ADAM23: variants seen among roughly 807,000 people sequenced by gnomAD.
ADAM23 encodes disintegrin and metalloproteinase domain-containing protein 23.
A neutral mutation model predicts 120.1 loss-of-function variants in ADAM23; 33 were observed. The observed-to-expected ratio is 0.27, with a 90% confidence interval of 0.21 to 0.37. The LOEUF is 0.37. Among genes scored for constraint, ADAM23 ranks in the 10% least tolerant of loss-of-function variants. The probability of loss-of-function intolerance (pLI) is 1.00; values close to 1 mark genes in which losing one functional copy is unlikely to be tolerated. For missense variants in ADAM23, 862 were observed against 1,058.2 expected (o/e 0.81, Z 2.57); for synonymous variants, 367 against 375.2 (o/e 0.98, Z 0.25).
intron 2 of ADAM23, among the ~76,000 whole-genome samples, chr2:206,455,601 C>G (rs1695281859): frequency 6.6e-6 from 1 of 152,194 alleles, no homozygotes. Flanking sequence ...AATATAAGTT[C>G]CAGTTTCAGC....
intron 24 of ADAM23, among the ~76,000 whole-genome samples, chr2:206,605,398 T>G (rs547317021): frequency 8.5e-5 from 13 of 152,370 alleles, no homozygotes; most frequent in African/African-American, 3.1e-4. Context: ...TTCTTAGGCA[T>G]ATTTTACAGT....
intron 3 of ADAM23, among the ~76,000 whole-genome samples, chr2:206,526,854 G>A (rs1360077275): frequency 6.6e-6 from 1 of 152,116 alleles, no homozygotes; most frequent in African/African-American, 2.4e-5. Context: ...TTCATATTTT[G>A]AGTAAAATCA....
intron 3 of ADAM23, among the ~76,000 whole-genome samples, chr2:206,484,876 T>A (rs1695978573): frequency 6.6e-6 from 1 of 152,142 alleles, no homozygotes; most frequent in Non-Finnish European, 1.5e-5. Context: ...TGATAATGAA[T>A]AAGTCTCACG....
intron 4 of ADAM23, among the ~76,000 whole-genome samples, chr2:206,539,226 A>T (rs1293811231): frequency 1.3e-5 from 2 of 152,180 alleles, no homozygotes; most frequent in Non-Finnish European, 2.9e-5. Flanking sequence ...TCCTGTGACT[A>T]GCCAATAACT....
Position 206,460,375 on chromosome 2 carries a change from A to T in ADAM23, c.432+14851A>T, listed in dbSNP as rs557142151. 9.8e-5 allele frequency among the ~76,000 whole-genome samples: 15 copies of T among 152,286 alleles called. No homozygotes were observed. The South Asian group carries it at 1.2e-3, about 13-fold the overall frequency. ...AAGGGTTCCAATTCTCCACATCCTTACCAGCACTGGTTATTTTCTGTTATT... is the reference window on the plus strand; with the variant it reads ...AAGGGTTCCAATTCTCCACATCCTTTCCAGCACTGGTTATTTTCTGTTATT... On this transcript the variant is annotated intron_variant, in intron 2 of 25. Transcript: ENST00000264377.
rs539675828 is a variant in ADAM23 at position 206,465,034 on chromosome 2, C to T, written c.433-16198C>T. Reference sequence around the variant, plus strand: ...GCTTAGTTTTTTTCTGCCCTAAGTACTACAACATTTTCTTTCTTTGTTTTT... The same window carrying T: ...GCTTAGTTTTTTTCTGCCCTAAGTATTACAACATTTTCTTTCTTTGTTTTT... On this transcript the variant is annotated intron_variant, in intron 2 of 25. Transcript: ENST00000264377. Among the ~76,000 whole-genome samples the T allele has an allele frequency of 3.9e-5, 6 of 152,106 alleles. No individual in the cohort carries two copies. In the South Asian group the frequency reaches 1.2e-3, roughly 32 times the overall value.
chr2:206,445,517 A>T lies in ADAM23; in HGVS notation c.425A>T (p.His142Leu), dbSNP rs1027191729. Reference sequence around the variant, plus strand: ...ACAAAGGCAAGACACCAGCAAAAACATAATAAGGTAGGCAGGAGGCTGGCT... The same window carrying T: ...ACAAAGGCAAGACACCAGCAAAAACTTAATAAGGTAGGCAGGAGGCTGGCT... ...LDTKARHQQK[H>L]NKAVHLAQAS... The change falls in exon 2 of 26, where the codon CAT becomes CTT. Residue 142 changes from histidine (H) to leucine (L), a missense_variant. His to Leu is a moderately conservative substitution (Grantham distance 99). Around this residue, in one of 4 missense-constraint regions of ADAM23, gnomAD observed 225 missense variants for 204.0 expected, o/e 1.10. Coordinates refer to ENST00000264377, the MANE Select transcript of ADAM23 (RefSeq NM_003812.4). 2.5e-6 allele frequency: 4 copies of T among 1,612,874 alleles called. No homozygotes were observed. The South Asian group carries it at 3.3e-5, about 13-fold the overall frequency.
At chr2:206,455,301 A>G (rs985906858) in intron 2 of ADAM23, among the ~76,000 whole-genome samples, 28 of 152,212 alleles carry the variant, frequency 1.8e-4, no homozygotes, top group African/African-American at 6.5e-4. Flanking sequence ...CTTTCTAGCC[A>G]TGGCTAGAGC....
At chr2:206,484,853 C>T (rs1203797309) in intron 3 of ADAM23, among the ~76,000 whole-genome samples, 1 of 152,020 alleles carries the variant, frequency 6.6e-6, no homozygotes, top group African/African-American at 2.4e-5. Context: ...GGGTTTTTCC[C>T]CTGCTGTTCT....
chr2:206,462,332 C>A (rs1289093854), intron 2 of ADAM23, among the ~76,000 whole-genome samples: 1 of 152,152 alleles, frequency 6.6e-6, no homozygotes, highest in African/African-American at 2.4e-5. Context: ...TCCCAGCACG[C>A]CCCAAAGGCT....
At chr2:206,609,049 TAAG>T (rs1698781887) in intron 24 of ADAM23, among the ~76,000 whole-genome samples, 1 of 152,194 alleles carries the variant, frequency 6.6e-6, no homozygotes, top group African/African-American at 2.4e-5. Context: ...ATGCTAAGCT[TAAG>T]GAGAGGAGTG....
intron 2 of ADAM23, among the ~76,000 whole-genome samples, chr2:206,458,319 T>C (rs149483517): frequency 1.8e-4 from 20 of 113,480 alleles, no homozygotes; most frequent in Admixed American, 6.0e-4. Context: ...GAACTGCTCT[T>C]TCATGAATAA....
At chr2:206,600,280 G>A (rs531247296) in intron 24 of ADAM23, among the ~76,000 whole-genome samples, 2 of 152,164 alleles carry the variant, frequency 1.3e-5, no homozygotes, top group African/African-American at 4.8e-5. Context: ...GCCTGATTGA[G>A]CACAGTGTTT....
At chr2:206,449,522 C>T (rs1695148392) in intron 2 of ADAM23, among the ~76,000 whole-genome samples, 1 of 152,194 alleles carries the variant, frequency 6.6e-6, no homozygotes. Flanking sequence ...AATCCCAGCA[C>T]TCTGGGAGGC....
chr2:206,503,835 G>A (rs1490293896), intron 3 of ADAM23, among the ~76,000 whole-genome samples: 1 of 152,150 alleles, frequency 6.6e-6, no homozygotes, highest in Non-Finnish European at 1.5e-5. Context: ...GAAGCATTAA[G>A]TAAGGTTTTA....
chr2:206,470,116 G>A (rs528108637), intron 2 of ADAM23, among the ~76,000 whole-genome samples: 2 of 152,124 alleles, frequency 1.3e-5, no homozygotes, highest in South Asian at 4.1e-4. Flanking sequence ...GAAGGCCAGG[G>A]CTTCTGCTTG....
Position 206,487,177 on chromosome 2 carries a change from G to A in ADAM23, c.509+5869G>A, listed in dbSNP as rs912556751. ...TTGACAATGAATTATTATTACCTCC[G>A]TGAGGCAGTCACTGCGCTGAGATGT... On this transcript the variant is annotated intron_variant, in intron 3 of 25. Coordinates refer to ENST00000264377, the MANE Select transcript of ADAM23 (RefSeq NM_003812.4). 7.2e-5 allele frequency among the ~76,000 whole-genome samples: 11 copies of A among 152,264 alleles called. No homozygotes were observed. In the South Asian group the frequency reaches 1.0e-3, roughly 14 times the overall value.
intron 24 of ADAM23, among the ~76,000 whole-genome samples, chr2:206,608,892 C>A (rs913839849): frequency 3.9e-5 from 6 of 152,184 alleles, no homozygotes; most frequent in African/African-American, 1.4e-4. Flanking sequence ...AAACTAGCAA[C>A]ATTGGCTTTG....
intron 2 of ADAM23, among the ~76,000 whole-genome samples, chr2:206,480,592 C>G (rs942474169): frequency 2.0e-5 from 3 of 151,408 alleles, no homozygotes; most frequent in African/African-American, 7.3e-5. Flanking sequence ...TCTTTAACAT[C>G]TAGTAAATAG....
Sources: allele counts gnomAD v4.1 joint callset (sites outside exome capture counted in the v4.1 genomes callset), GRCh38; gene constraint gnomAD v4.1.1; regional missense constraint gnomAD v4.1.1; transcripts MANE v1.5; gene names NCBI Gene and HGNC (gene_info 2026-07-23, HGNC 2026-07-21).